The following ALK variants were observed in gnomAD, a reference collection of about 807,000 sequenced individuals.
The protein encoded by ALK is ALK receptor tyrosine kinase, also known as ALK tyrosine kinase receptor.
A neutral mutation model predicts 163.1 loss-of-function variants in ALK; 74 were observed. The observed-to-expected ratio is 0.45, with a 90% CI of 0.38 to 0.55. The LOEUF (loss-of-function observed/expected upper bound fraction) is 0.55. Ranked by LOEUF, ALK falls within the 20% of genes least tolerant of loss-of-function variation. The probability of loss-of-function intolerance (pLI) is 0.00; values close to 1 mark genes in which losing one functional copy is unlikely to be tolerated. For synonymous variants in ALK, 960 were observed against 843.2 expected (o/e 1.14, Z -2.40); for missense variants, 2,063 against 2,105.3 (o/e 0.98, Z 0.39).
At chr2:29,577,563 T>C (rs1424777178) in intron 3 of ALK, among the ~76,000 whole-genome samples, 1 of 152,006 alleles carries the variant, frequency 6.6e-6, no homozygotes, top group Non-Finnish European at 1.5e-5. Flanking sequence ...AAAGGATTAG[T>C]AAAGGTAGAA....
At chr2:29,642,504 T>C (rs1336135866) in intron 3 of ALK, among the ~76,000 whole-genome samples, 1 of 152,086 alleles carries the variant, frequency 6.6e-6, no homozygotes, top group African/African-American at 2.4e-5. Flanking sequence ...AGCACTAAAA[T>C]CTCCTGCATA....
At chr2:29,633,351 G>A (rs1010998225) in intron 3 of ALK, among the ~76,000 whole-genome samples, 5 of 152,046 alleles carry the variant, frequency 3.3e-5, no homozygotes. Flanking sequence ...AGATCCCAAA[G>A]GAAGTCTCAA....
rs569628648 is a variant in ALK, at chr2:29,605,126, C to T, written c.953-73010G>A. On this transcript the variant is annotated intron_variant, in intron 3 of 28. Coordinates refer to ENST00000389048, the MANE Select transcript of ALK (RefSeq NM_004304.5). ...CCTTTTTGGCATCAGGAACCGGTTTCGTGGAAGACAGTTTTTCCACGGACA... is the reference window on the plus strand; with the variant it reads ...CCTTTTTGGCATCAGGAACCGGTTTTGTGGAAGACAGTTTTTCCACGGACA... 6.6e-5 allele frequency among the ~76,000 whole-genome samples: 10 copies of T among 152,282 alleles called. No individual in the cohort carries two copies. The South Asian group carries it at 1.9e-3, about 28-fold the overall frequency.
intron 1 of ALK, among the ~76,000 whole-genome samples, chr2:29,762,319 C>G (rs1558476996): frequency 6.6e-6 from 1 of 152,248 alleles, no homozygotes; most frequent in Non-Finnish European, 1.5e-5. Context: ...TTGACCTCCA[C>G]TACAATTGAC....
rs1241282087 is a variant in ALK, at chr2:29,251,111, G to A, written c.2198C>T (p.Thr733Ile). The A allele has an allele frequency of 6.2e-7, 1 of 1,614,018 alleles. No homozygotes were observed. Among genetic ancestry groups the A allele is most frequent in the Non-Finnish European group, 8.5e-7 (1 of 1,179,972 alleles). ...CCCCCTCTTCCATACGCACCTGTAG[G>A]TGTCGGTGGCTGGCACCTTCCAGAT... ...IQIWKVPATD[T>I]YSISGYGAAG... The change falls in exon 12 of 29, where the codon ACC (threonine) becomes ATC (isoleucine). Residue 733 changes from threonine to isoleucine, a missense_variant. By Grantham distance (89) the Thr-to-Ile change is moderately conservative. Transcript: ENST00000389048.
intron 4 of ALK, among the ~76,000 whole-genome samples, chr2:29,459,256 G>T (rs918888092): frequency 2.0e-5 from 3 of 151,984 alleles, no homozygotes; most frequent in East Asian, 1.9e-4. Flanking sequence ...CATAATGAAT[G>T]ATCTCATTTC....
intron 4 of ALK, among the ~76,000 whole-genome samples, chr2:29,464,156 C>G (rs1428706758): frequency 6.6e-6 from 1 of 152,084 alleles, no homozygotes; most frequent in Non-Finnish European, 1.5e-5. Context: ...TGTCTAGTAT[C>G]TAACCAAAAG....
intron 1 of ALK, among the ~76,000 whole-genome samples, chr2:29,814,542 C>T (rs574755879): frequency 6.6e-5 from 10 of 151,994 alleles, no homozygotes; most frequent in Admixed American, 3.3e-4. Context: ...CACCTGTAGT[C>T]CCAGCTACTC....
intron 3 of ALK, among the ~76,000 whole-genome samples, chr2:29,688,417 T>C (rs1353663354): frequency 6.6e-6 from 1 of 152,210 alleles, no homozygotes; most frequent in Non-Finnish European, 1.5e-5. Context: ...CCTTTGCTAA[T>C]AAATAGTATT....
rs528923005 is a variant in ALK at position 29,477,723 on chromosome 2, C to G, written c.1154+54192G>C. ...GCAGGCAGAGGGATGGAGAGGGATG[C>G]GAGGGAACTGGAGGCTCTGTGTGGG... On this transcript the variant is annotated intron_variant, in intron 4 of 28. Transcript: ENST00000389048. Among the ~76,000 whole-genome samples the G allele has an allele frequency of 1.7e-4, 26 of 152,128 alleles. No individual in the cohort carries two copies. In the East Asian group the frequency reaches 4.1e-3, roughly 24 times the overall value.
rs182320906 is a variant in ALK at position 29,555,075 on chromosome 2, A to T, written c.953-22959T>A. Among the ~76,000 whole-genome samples the T allele has an allele frequency of 6.3e-3, 954 of 152,278 alleles. 9 individuals are homozygous for T. Among genetic ancestry groups the T allele is most frequent in the African/African-American group, 0.021 (860 of 41,550 alleles). Reference sequence around the variant, plus strand: ...AGCAGCCCTCAGGGCTGCTCTGTCTATGGAGTAACCATTCTTTTATTCTTC... The same window carrying T: ...AGCAGCCCTCAGGGCTGCTCTGTCTTTGGAGTAACCATTCTTTTATTCTTC... On this transcript the variant is annotated intron_variant, in intron 3 of 28. Transcript: ENST00000389048.
intron 3 of ALK, among the ~76,000 whole-genome samples, chr2:29,688,349 C>T (rs1678297233): frequency 6.6e-6 from 1 of 152,064 alleles, no homozygotes; most frequent in African/African-American, 2.4e-5. Flanking sequence ...AAGTCTGATT[C>T]CATTTATAGA....
At chr2:29,220,435 C>T (rs541505785) in intron 23 of ALK, among the ~76,000 whole-genome samples, 25 of 152,286 alleles carry the variant, frequency 1.6e-4, no homozygotes, top group African/African-American at 6.0e-4. Flanking sequence ...TACTCAGAGT[C>T]AGGTAGTTCT....
At chr2:29,276,964 T>C (rs542240281) in intron 9 of ALK, among the ~76,000 whole-genome samples, 1 of 152,096 alleles carries the variant, frequency 6.6e-6, no homozygotes, top group East Asian at 1.9e-4. Context: ...ACACTTAAAG[T>C]GGGTGCATTT....
At chr2:29,343,411 C>T (rs1018586428) in intron 5 of ALK, among the ~76,000 whole-genome samples, 2 of 151,396 alleles carry the variant, frequency 1.3e-5, no homozygotes, top group East Asian at 1.9e-4. Context: ...GATGGGGTCT[C>T]CCTATTTTGC....
intron 1 of ALK, among the ~76,000 whole-genome samples, chr2:29,903,912 T>G (rs1667475739): frequency 6.6e-6 from 1 of 152,096 alleles, no homozygotes; most frequent in African/African-American, 2.4e-5. Context: ...AGGAAATAGG[T>G]TAGAATCATA....
intron 11 of ALK, among the ~76,000 whole-genome samples, chr2:29,272,668 C>A (rs978951798): frequency 6.6e-6 from 1 of 152,258 alleles, no homozygotes; most frequent in African/African-American, 2.4e-5. Flanking sequence ...CCAGCAGAAA[C>A]TGACAGCTTT....
Position 29,874,317 on chromosome 2 carries a change from G to A in ALK, c.667+45676C>T, listed in dbSNP as rs180741005. Among the ~76,000 whole-genome samples the A allele has an allele frequency of 6.0e-3, 907 of 150,098 alleles. 7 individuals carry two copies. The highest frequency in any genetic ancestry group is 0.012 in the South Asian group (56 of 4,774). ...GCCCAGTACGAAAAGTGCTGTGTTC[G>A]TGTGACAAAGGCTGACATAGTTGAA... On this transcript the variant is annotated intron_variant, in intron 1 of 28. Transcript: ENST00000389048.
At chr2:29,587,930 T>G (rs1241967638) in intron 3 of ALK, among the ~76,000 whole-genome samples, 2 of 152,156 alleles carry the variant, frequency 1.3e-5, no homozygotes, top group African/African-American at 4.8e-5. Context: ...AAGGCCAACT[T>G]TCCCTGCATC....
Sources: gnomAD v4.1 joint callset for allele counts (sites outside exome capture counted in the v4.1 genomes callset) on GRCh38, gnomAD v4.1.1 for gene constraint, MANE v1.5 for transcripts, NCBI Gene and HGNC (gene_info 2026-07-23, HGNC 2026-07-21) for gene names.